HGSNAT: variants seen among roughly 807,000 people sequenced by gnomAD.
HGSNAT encodes transmembrane protein 76.
Under a neutral mutation model 85.2 loss-of-function variants are expected in HGSNAT, and 59 were observed. The ratio of observed to expected loss-of-function variants is 0.69; its 90% CI spans 0.56 to 0.86. The LOEUF (loss-of-function observed/expected upper bound fraction) is 0.86, where lower values mean the gene tolerates loss of function less well. Ranked by LOEUF, HGSNAT falls within the 40% of genes least tolerant of loss-of-function variation. The pLI is 0.00. For missense variants in HGSNAT, 756 were observed against 777.1 expected (o/e 0.97, Z 0.32); for synonymous variants, 321 against 304.5 (o/e 1.05, Z -0.56).
At chr8:43,155,787 CCA>C (rs1433283134) in intron 2 of HGSNAT, among the ~76,000 whole-genome samples, 1 of 152,054 alleles carries the variant, frequency 6.6e-6, no homozygotes, top group Admixed American at 6.6e-5. Flanking sequence ...ATGTAAATAT[CCA>C]GTTTCCCAGC....
intron 2 of HGSNAT, among the ~76,000 whole-genome samples, chr8:43,149,452 A>G (rs952065929): frequency 1.3e-5 from 2 of 152,130 alleles, no homozygotes; most frequent in Non-Finnish European, 2.9e-5. Flanking sequence ...TAATCCCAGC[A>G]CTTTGGGAGG....
chr8:43,178,822 C>G (rs1312498880), intron 10 of HGSNAT, among the ~76,000 whole-genome samples: 10 of 146,428 alleles, frequency 6.8e-5, no homozygotes, highest in Admixed American at 2.0e-4. Context: ...TCTTAACGAG[C>G]ATGCTGCCTT....
At chr8:43,164,177 C>A (rs1803356387) in intron 5 of HGSNAT, among the ~76,000 whole-genome samples, 1 of 152,116 alleles carries the variant, frequency 6.6e-6, no homozygotes, top group Non-Finnish European at 1.5e-5. Flanking sequence ...ATAAAACAAT[C>A]CGAGGCAGGA....
At chr8:43,145,708 G>A (rs1257569789) in intron 1 of HGSNAT, among the ~76,000 whole-genome samples, 5 of 151,780 alleles carry the variant, frequency 3.3e-5, no homozygotes, top group Admixed American at 2.0e-4. Context: ...CCGAGATCGC[G>A]CCACTGCACT....
intron 11 of HGSNAT, among the ~76,000 whole-genome samples, chr8:43,182,716 G>A (rs1300934850): frequency 6.6e-6 from 1 of 152,094 alleles, no homozygotes; most frequent in African/African-American, 2.4e-5. Context: ...AAATTGCTGG[G>A]ATTACAGGTG....
intron 5 of HGSNAT, among the ~76,000 whole-genome samples, chr8:43,164,736 C>T (rs375183765): frequency 3.3e-5 from 5 of 152,248 alleles, no homozygotes; most frequent in East Asian, 1.9e-4. Context: ...GAGCCGAGAT[C>T]GCGCTACTGC....
At chr8:43,185,291 T>C (rs2130790605) in intron 11 of HGSNAT, among the ~76,000 whole-genome samples, 1 of 152,372 alleles carries the variant, frequency 6.6e-6, no homozygotes, top group African/African-American at 2.4e-5. Flanking sequence ...CTTCCATTTG[T>C]TTGTGTCCTC....
rs751554213 is a variant in HGSNAT at position 43,153,572 on chromosome 8, G to A, written c.235-5003G>A. Among the ~76,000 whole-genome samples the A allele has an allele frequency of 2.6e-5, 4 of 152,138 alleles. No individual in the cohort carries two copies. In the South Asian group the frequency reaches 8.3e-4, roughly 32 times the overall value. On this transcript the variant is annotated intron_variant, in intron 2 of 17. Transcript: ENST00000379644. ...AACACTTGTCATTTCTTTGTGGTGCGATGGTTCAAAATCATCTCTTCATCT... is the reference window on the plus strand; with the variant it reads ...AACACTTGTCATTTCTTTGTGGTGCAATGGTTCAAAATCATCTCTTCATCT...
chr8:43,192,315 G>C lies in HGSNAT; in HGVS notation c.1262G>C (p.Gly421Ala). 1.2e-6 allele frequency: 2 copies of C among 1,607,986 alleles called. No individual in the cohort carries two copies. Among genetic ancestry groups the C allele is most frequent in the Non-Finnish European group, 1.7e-6 (2 of 1,177,576 alleles). ...TTTCACCTTCCTAGTGGTTATCTTG[G>C]TCCTGGGGGCATTGGAGATTTTGGC... Reference protein sequence around the residue: ...PVPGCPTGYLGPGGIGDFGKY... With the variant: ...PVPGCPTGYLAPGGIGDFGKY... Residue 421 changes from glycine to alanine, a missense_variant, in exon 13 of 18, where the codon GGT becomes GCT. Physicochemically the swap from Gly to Ala is moderately conservative, Grantham distance 60. Transcript: ENST00000379644.
At chr8:43,179,180 A>AG (rs1803931422) in intron 10 of HGSNAT, among the ~76,000 whole-genome samples, 1 of 150,106 alleles carries the variant, frequency 6.7e-6, no homozygotes, top group South Asian at 2.1e-4. Context: ...ACTTCCCAGT[A>AG]GGGGCGGCCG....
chr8:43,190,286 G>C (rs941758305), intron 11 of HGSNAT, among the ~76,000 whole-genome samples: 1 of 152,112 alleles, frequency 6.6e-6, no homozygotes, highest in Non-Finnish European at 1.5e-5. Context: ...CTTCCATTTG[G>C]GGTCCTATTC....
intron 14 of HGSNAT, chr8:43,196,189 T>C (rs1356701677): frequency 3.1e-6 from 1 of 322,928 alleles, no homozygotes; most frequent in Non-Finnish European, 6.1e-6. Context: ...CAGAAGGGTG[T>C]TGCAAGGATT....
At chr8:43,191,638 C>T in intron 12 of HGSNAT, 43 bp downstream of exon 12, 1 of 1,595,928 alleles carries the variant, frequency 6.3e-7, no homozygotes, top group Non-Finnish European at 8.6e-7. Context: ...ATGTCCTGTT[C>T]TGCCCAGTCA....
In HGSNAT at chr8:43,173,740, C is replaced by T. The variant is rs121908282; in HGVS notation, c.848C>T (p.Pro283Leu). 1.1e-5 allele frequency: 18 copies of T among 1,612,400 alleles called. No individual in the cohort carries two copies. The highest frequency in any genetic ancestry group is 6.7e-5 in the East Asian group (3 of 44,872). ...NGLTVADLVF[P>L]WFVFIMGSSI... The stretch of plus-strand genomic sequence containing the variant: ...CTGACAGTGGCTGACCTCGTGTTCC[C>T]GTGGTGAGTTGCCGGTCTGCCCTCT... The change falls in exon 9 of 18, where the codon CCG becomes CTG. Residue 283 changes from proline (P) to leucine (L), a missense_variant. Physicochemically the swap from Pro to Leu is moderately conservative, Grantham distance 98. Coordinates refer to ENST00000379644, the MANE Select transcript of HGSNAT (RefSeq NM_152419.3).
In HGSNAT at chr8:43,159,055, G is replaced by C. The variant is rs1269627500; in HGVS notation, c.493+11G>C. 1 of 1,603,278 alleles carries C rather than the reference G, an allele frequency of 6.2e-7. No individual in the cohort carries two copies. The highest frequency in any genetic ancestry group is 8.5e-7 in the Non-Finnish European group (1 of 1,175,824). ...TTGATAGTAACCTTCGTACGTATAT[G>C]TTCTCTGCTGATTTTCACATTTGCA... On this transcript the variant is annotated intron_variant, in intron 4 of 17. Transcript: ENST00000379644.
chr8:43,163,257 G>A (rs555014487), intron 5 of HGSNAT, among the ~76,000 whole-genome samples: 1 of 152,216 alleles, frequency 6.6e-6, no homozygotes, highest in African/African-American at 2.4e-5. Flanking sequence ...GCCCCATGTG[G>A]AACTGAAACT....
At chr8:43,154,720 C>T (rs369179985) in intron 2 of HGSNAT, among the ~76,000 whole-genome samples, 25 of 152,220 alleles carry the variant, frequency 1.6e-4, no homozygotes, top group African/African-American at 5.8e-4. Context: ...AAAGGGATGG[C>T]TGGGTCAAAT....
intron 2 of HGSNAT, among the ~76,000 whole-genome samples, chr8:43,152,380 A>G (rs1802948427): frequency 6.6e-6 from 1 of 152,220 alleles, no homozygotes; most frequent in African/African-American, 2.4e-5. Flanking sequence ...AAAAAGAAAA[A>G]GAAGCAATAA....
At chr8:43,160,103 A>G (rs1192974209) in intron 4 of HGSNAT, among the ~76,000 whole-genome samples, 1 of 152,224 alleles carries the variant, frequency 6.6e-6, no homozygotes, top group Non-Finnish European at 1.5e-5. Context: ...TGCCTTCCCA[A>G]AGAAAACAAA....
Sources: gnomAD v4.1 joint callset for allele counts (sites outside exome capture counted in the v4.1 genomes callset) on GRCh38, gnomAD v4.1.1 for gene constraint, MANE v1.5 for transcripts, NCBI Gene and HGNC (gene_info 2026-07-23, HGNC 2026-07-21) for gene names.